ZNF660: variants seen among roughly 807,000 people sequenced by gnomAD.
ZNF660 encodes the protein zinc finger protein 660.
ZNF660 carries 24 observed loss-of-function variants against 23.2 expected under a neutral mutation model. The observed-to-expected ratio is 1.04, with a 90% CI of 0.75 to 1.46. The LOEUF (loss-of-function observed/expected upper bound fraction) is 1.46. ZNF660 is among the 40% of genes most tolerant of loss of function. The pLI is 0.00. For synonymous variants in ZNF660, 117 were observed against 131.4 expected (o/e 0.89, Z 0.75); for missense variants, 373 against 396.8 (o/e 0.94, Z 0.51).
At position 44,585,407 on chromosome 3, in the gene ZNF660, G is replaced by C. The variant is rs1029232955; in HGVS notation, c.-290+400G>C. On this transcript the variant is annotated intron_variant, in intron 1 of 2. Coordinates refer to ENST00000322734, the MANE Select transcript of ZNF660 (RefSeq NM_173658.4). ...AACCTGGGGCCCAGAGAAGAGGACGGAGTCTTGCCCAAGGTTACTCATTCA... is the reference window on the plus strand; with the variant it reads ...AACCTGGGGCCCAGAGAAGAGGACGCAGTCTTGCCCAAGGTTACTCATTCA... Among the ~76,000 whole-genome samples, 4 of 152,266 alleles carry C rather than the reference G, an allele frequency of 2.6e-5. No homozygotes were observed. The South Asian group carries it at 6.2e-4, about 24-fold the overall frequency.
At chr3:44,585,892 A>G (rs1262431885) in intron 1 of ZNF660, among the ~76,000 whole-genome samples, 2 of 152,202 alleles carry the variant, frequency 1.3e-5, no homozygotes, top group African/African-American at 4.8e-5. Flanking sequence ...TCCTGAAGAC[A>G]CAGAAGGCTT....
chr3:44,591,822 C>T (rs1021712582), intron 2 of ZNF660, among the ~76,000 whole-genome samples: 2 of 152,134 alleles, frequency 1.3e-5, no homozygotes, highest in African/African-American at 4.8e-5. Context: ...TGGCGAAATA[C>T]CATTTCTACT....
chr3:44,591,654 A>G (rs919018045), intron 2 of ZNF660, among the ~76,000 whole-genome samples: 5 of 152,356 alleles, frequency 3.3e-5, no homozygotes, highest in African/African-American at 9.6e-5. Flanking sequence ...AAGGAATTCA[A>G]TGATCATATG....
At position 44,599,611 on chromosome 3, in the gene ZNF660, C is replaced by T. The variant is rs1325187403; in HGVS notation, c.*4422C>T. 6.6e-6 allele frequency: 1 copy of T among 152,134 alleles called. No homozygotes were observed. Among genetic ancestry groups the T allele is most frequent in the Non-Finnish European group, 1.5e-5 (1 of 68,024 alleles). 9.4% of individuals were successfully genotyped at this position (152,134 alleles called of 1,614,324 possible). A position where few individuals can be genotyped will look rare whatever the true frequency, so the allele number is the denominator to read the frequency against. ...GTCGCCAGACTGTCTTTAATAGCCT[C>T]TGATGTTATAAAACTGGAGTCATGA... On this transcript the variant is annotated 3_prime_UTR_variant, in exon 3 of 3. Transcript: ENST00000322734.
Position 44,596,649 on chromosome 3 carries a change from A to C in ZNF660, c.*1460A>C, listed in dbSNP as rs901043815. 1 of 152,112 alleles carries C rather than the reference A, an allele frequency of 6.6e-6. No individual in the cohort carries two copies. Among genetic ancestry groups the C allele is most frequent in the Non-Finnish European group, 1.5e-5 (1 of 68,036 alleles). The allele number at this position is 152,112 out of a possible 1,614,324, so 9.4% of individuals were successfully genotyped here. On this transcript the variant is annotated 3_prime_UTR_variant, in exon 3 of 3. Transcript: ENST00000322734. ...CATAATTTTCAGCATGTTGACTTTC[A>C]TTTTTCATAACCTCATGGTGGCAAG... is the stretch of plus-strand genomic sequence containing the variant.
rs377346183 is a variant in ZNF660 at position 44,597,181 on chromosome 3, G to A, written c.*1992G>A. 3.3e-5 allele frequency: 5 copies of A among 152,318 alleles called. No individual in the cohort carries two copies. The East Asian group carries it at 9.7e-4, about 29-fold the overall frequency. 9.4% of individuals were successfully genotyped at this position (152,318 alleles called of 1,614,324 possible). A position where few individuals can be genotyped will look rare whatever the true frequency, so the allele number is the denominator to read the frequency against. On this transcript the variant is annotated 3_prime_UTR_variant, in exon 3 of 3. Transcript: ENST00000322734. This position sits in a 1 kb window ranked among gnomAD's most constrained non-coding sequence, Gnocchi z 4.1. ...GCTCAGATCTGACTTTGAAATTCAT[G>A]CTTTCTTCATTATACCAAAGTGCCT...
chr3:44,591,161 C>T (rs1005816657), intron 2 of ZNF660, among the ~76,000 whole-genome samples: 3 of 152,038 alleles, frequency 2.0e-5, no homozygotes, highest in Non-Finnish European at 2.9e-5. Context: ...CAAAGTCTTG[C>T]TCTGTTGCCC....
Position 44,598,612 on chromosome 3 carries a change from A to C in ZNF660, c.*3423A>C, listed in dbSNP as rs1575414001. The C allele has an allele frequency of 6.6e-6, 1 of 152,090 alleles. No homozygotes were observed. The highest frequency in any genetic ancestry group is 1.5e-5 in the Non-Finnish European group (1 of 68,048). The allele number at this position is 152,090 out of a possible 1,614,324, so 9.4% of individuals were successfully genotyped here. A position where few individuals can be genotyped will look rare whatever the true frequency, so the allele number is the denominator to read the frequency against. On this transcript the variant is annotated 3_prime_UTR_variant, in exon 3 of 3. Coordinates refer to ENST00000322734, the MANE Select transcript of ZNF660 (RefSeq NM_173658.4). Reference sequence around the variant, plus strand: ...CTCCCAAGTAGCTGGGATTACAGGTACCTGCCACCACACCTGGCTAATTTT... The same window carrying C: ...CTCCCAAGTAGCTGGGATTACAGGTCCCTGCCACCACACCTGGCTAATTTT...
In ZNF660 at chr3:44,599,156, G is replaced by A. The variant is rs547361022; in HGVS notation, c.*3967G>A. 1.3e-5 allele frequency: 2 copies of A among 152,254 alleles called. No homozygotes were observed. The highest frequency in any genetic ancestry group is 6.5e-5 in the Admixed American group (1 of 15,306). 9.4% of individuals were successfully genotyped at this position (152,254 alleles called of 1,614,324 possible). On this transcript the variant is annotated 3_prime_UTR_variant, in exon 3 of 3. Transcript: ENST00000322734. The stretch of plus-strand genomic sequence containing the variant: ...CAGTTTTAGTACCCTGAATATTCCT[G>A]AGGAATATAAAGAGGCAATAATTTT...
rs115791524 is a variant in ZNF660 at position 44,597,803 on chromosome 3, A to G, written c.*2614A>G. The stretch of plus-strand genomic sequence containing the variant: ...TATGATGCCATCTCATAACCAGAGA[A>G]CTGAATATAGGAGAGCTTCATATTT... On this transcript the variant is annotated 3_prime_UTR_variant, in exon 3 of 3. Coordinates refer to ENST00000322734, the MANE Select transcript of ZNF660 (RefSeq NM_173658.4). This position sits in a 1 kb window ranked among gnomAD's most constrained non-coding sequence, Gnocchi z 4.1. 1 of 152,252 alleles carries G rather than the reference A, an allele frequency of 6.6e-6. No individual in the cohort carries two copies. Among genetic ancestry groups the G allele is most frequent in the Admixed American group, 6.5e-5 (1 of 15,294 alleles). 9.4% of individuals were successfully genotyped at this position (152,252 alleles called of 1,614,324 possible).
At chr3:44,585,590 A>G (rs186482693) in intron 1 of ZNF660, among the ~76,000 whole-genome samples, 2 of 152,296 alleles carry the variant, frequency 1.3e-5, no homozygotes, top group Admixed American at 6.5e-5. Context: ...CTGGAGGGGG[A>G]AACACAAAAC....
Position 44,594,111 on chromosome 3 carries a change from C to A in ZNF660, c.-83C>A. The A allele has an allele frequency of 6.5e-7, 1 of 1,538,966 alleles. No homozygotes were observed. The highest frequency in any genetic ancestry group is 9.0e-7 in the Non-Finnish European group (1 of 1,115,688). ...TCAAGAGAATTCCACAGAGACATTGCCCAGGAAGTCAAAATTTAGAAGGCT... is the reference window on the plus strand; with the variant it reads ...TCAAGAGAATTCCACAGAGACATTGACCAGGAAGTCAAAATTTAGAAGGCT... On this transcript the variant is annotated 5_prime_UTR_variant, in exon 3 of 3. Transcript: ENST00000322734.
rs1418767559 is a variant in ZNF660, at chr3:44,589,823, T to G, written c.-181+3610T>G. The stretch of plus-strand genomic sequence containing the variant: ...TGTTAATTCCAACAACAAAAAATGT[T>G]GAGCGCTTACCATGTGCCTGGGACT... On this transcript the variant is annotated intron_variant, in intron 2 of 2. Coordinates refer to ENST00000322734, the MANE Select transcript of ZNF660 (RefSeq NM_173658.4). 2.0e-5 allele frequency among the ~76,000 whole-genome samples: 3 copies of G among 152,130 alleles called. No individual in the cohort carries two copies. The East Asian group carries it at 5.8e-4, about 29-fold the overall frequency.
chr3:44,594,221 C>T lies in ZNF660; in HGVS notation c.28C>T (p.His10Tyr), dbSNP rs1559443238. The T allele has an allele frequency of 6.2e-7, 1 of 1,613,644 alleles. No homozygotes were observed. The highest frequency in any genetic ancestry group is 1.1e-5 in the South Asian group (1 of 91,056). Residue 10 changes from histidine to tyrosine, a missense_variant, in exon 3 of 3, where the codon CAT becomes TAT. Physicochemically the swap from His to Tyr is moderately conservative, Grantham distance 83. Transcript: ENST00000322734. The stretch of plus-strand genomic sequence containing the variant: ...GAGGAGAAAGACAAGAAATTTCAAA[C>T]ATAAGACAGTTAAAGACAATAAAGT... MRRKTRNFK[H>Y]KTVKDNKVLT...
rs1223044543 is a variant in ZNF660, at chr3:44,594,750, GA to G, written c.564del (p.Val189PhefsTer41). The G allele has an allele frequency of 5.6e-6, 9 of 1,613,746 alleles. No individual in the cohort carries two copies. The highest frequency in any genetic ancestry group is 2.2e-5 in the East Asian group (1 of 44,822). On this transcript the variant is annotated frameshift_variant, in exon 3 of 3. Coordinates refer to ENST00000322734, the MANE Select transcript of ZNF660 (RefSeq NM_173658.4). LOFTEE classifies it high-confidence loss of function. ...NLTQHQRMHRGKKVYKCKECG... is the reference protein window; with the variant it reads ...NLTQHQRMHRXKKVYKCKECG... ...ACTCAACATCAGCGAATGCACAGAG[GA>G]AAAAAAGTTTACAAATGTAAGGAGT...
At chr3:44,593,096 T>C (rs1700487457) in intron 2 of ZNF660, among the ~76,000 whole-genome samples, 1 of 151,190 alleles carries the variant, frequency 6.6e-6, no homozygotes, top group Admixed American at 6.6e-5. Flanking sequence ...CCAGCCCCTA[T>C]GAAGTAGGCT....
At chr3:44,589,959 C>CTT (rs397876489) in intron 2 of ZNF660, among the ~76,000 whole-genome samples, 1,420 of 102,566 alleles carry the variant, frequency 0.014, 12 homozygotes, top group African/African-American at 0.03. Context: ...AACCCTGTGC[C>CTT]TTTTTTTTTT....
At chr3:44,587,366 T>G (rs963860675) in intron 2 of ZNF660, 1 of 152,228 alleles carries the variant, frequency 6.6e-6, no homozygotes, top group Non-Finnish European at 1.5e-5. Flanking sequence ...CAGAGATTTG[T>G]GGGTTAGAGA....
rs1317561017 is a variant in ZNF660 at position 44,594,385 on chromosome 3, C to T, written c.192C>T (p.Asn64=). ...GGAAAGCCTTTAGTCAGAGTGCAAA[C>T]CTCACAGTACATGAGCGAATCCACA... ...ECGKAFSQSA[N]LTVHERIHTG... is the part of the protein sequence containing the mutation. The change falls in exon 3 of 3, where the codon AAC becomes AAT. Residue 64 remains asparagine, a synonymous_variant. Coordinates refer to ENST00000322734, the MANE Select transcript of ZNF660 (RefSeq NM_173658.4). 7.4e-6 allele frequency: 12 copies of T among 1,613,746 alleles called. No homozygotes were observed. In the Admixed American group the frequency reaches 1.0e-4, roughly 13 times the overall value.
Sources: gnomAD v4.1 joint callset for allele counts (sites outside exome capture counted in the v4.1 genomes callset) on GRCh38, gnomAD v4.1.1 for gene constraint, Gnocchi (gnomAD v3.1) non-coding constraint, MANE v1.5 for transcripts, NCBI Gene and HGNC (gene_info 2026-07-23, HGNC 2026-07-21) for gene names.